Variants in BMP2K observed in about 807,000 individuals in gnomAD.
BMP2K encodes BMP-2-inducible protein kinase.
BMP2K carries 74 observed loss-of-function variants against 116.0 expected under a neutral mutation model. The observed-to-expected ratio is 0.64, with a 90% CI of 0.53 to 0.77. The LOEUF (loss-of-function observed/expected upper bound fraction) is 0.77, where lower values mean the gene tolerates loss of function less well. Ranked by LOEUF, BMP2K falls within the 30% of genes least tolerant of loss-of-function variation. The pLI is 0.00. For missense variants in BMP2K, 1,365 were observed against 1,403.6 expected (o/e 0.97, Z 0.44); for synonymous variants, 486 against 502.5 (o/e 0.97, Z 0.44).
chr4:78,859,581 C>T lies in BMP2K; in HGVS notation c.884-3C>T. ...TTCTTAACATTTTGATCTATTCTTG[C>T]AGGGTTCATGCTTGAACCAGATCCG... On this transcript the variant is annotated splice_region_variant and splice_polypyrimidine_tract_variant and intron_variant, in intron 7 of 15. Coordinates refer to ENST00000502613, the MANE Select transcript of BMP2K (RefSeq NM_198892.2). 1 of 1,593,518 alleles carries T rather than the reference C, an allele frequency of 6.3e-7. No homozygotes were observed. Among genetic ancestry groups the T allele is most frequent in the Non-Finnish European group, 8.6e-7 (1 of 1,167,792 alleles).
chr4:78,784,881 T>G (rs1405492080), intron 1 of BMP2K, among the ~76,000 whole-genome samples: 3 of 152,220 alleles, frequency 2.0e-5, no homozygotes, highest in African/African-American at 7.2e-5. Flanking sequence ...ATTTGTAACA[T>G]CTTTTTCCAT....
intron 2 of BMP2K, among the ~76,000 whole-genome samples, chr4:78,829,777 T>TCTCTTCTC (rs1730076564): frequency 2.1e-5 from 2 of 96,542 alleles, no homozygotes; most frequent in African/African-American, 9.9e-5. Context: ...TTTCTTTTCT[T>TCTCTTCTC]TTCTTTTCTT....
rs1278519437 is a variant in BMP2K at position 78,834,269 on chromosome 4, T to TG, written c.403+582_403+583insG. ...AAAAATTCCTGACATTTAAATTTTT[T>TG]TTTTTTTTTTGAGACGGAGTCTCGC... is the stretch of plus-strand genomic sequence containing the variant. On this transcript the variant is annotated intron_variant, in intron 3 of 15. Transcript: ENST00000502613. Among the ~76,000 whole-genome samples, 340 of 152,018 alleles carry TG rather than the reference T, an allele frequency of 2.2e-3. 2 individuals carry two copies. The highest frequency in any genetic ancestry group is 7.7e-3 in the African/African-American group (317 of 41,430).
At chr4:78,830,024 G>A (rs1730132894) in intron 2 of BMP2K, among the ~76,000 whole-genome samples, 1 of 151,872 alleles carries the variant, frequency 6.6e-6, no homozygotes, top group African/African-American at 2.4e-5. Context: ...ATAGGCAGGT[G>A]CCACCATACC....
chr4:78,885,694 A>G (rs1186188805), intron 14 of BMP2K, among the ~76,000 whole-genome samples: 1 of 152,182 alleles, frequency 6.6e-6, no homozygotes, highest in Non-Finnish European at 1.5e-5. Context: ...GATTTTTTCA[A>G]ATGGCTGTGG....
chr4:78,795,132 C>T (rs1422349303), intron 1 of BMP2K, among the ~76,000 whole-genome samples: 1 of 152,178 alleles, frequency 6.6e-6, no homozygotes, highest in Non-Finnish European at 1.5e-5. Context: ...TTCATTATAA[C>T]CCTTTGTACT....
Position 78,915,292 on chromosome 4 carries a change from G to C in BMP2K, c.*3259G>C, listed in dbSNP as rs912958323. 1 of 152,010 alleles carries C rather than the reference G, an allele frequency of 6.6e-6. No homozygotes were observed. Among genetic ancestry groups the C allele is most frequent in the African/African-American group, 2.4e-5 (1 of 41,428 alleles). 9.4% of individuals were successfully genotyped at this position (152,010 alleles called of 1,614,324 possible). A position where few individuals can be genotyped will look rare whatever the true frequency, so the allele number is the denominator to read the frequency against. ...GTGGAGCCCACTCTTCTATGCTGAA[G>C]TTCACCAGGCAGAGCAGTTTTCTTA... On this transcript the variant is annotated 3_prime_UTR_variant, in exon 16 of 16. Coordinates refer to ENST00000502613, the MANE Select transcript of BMP2K (RefSeq NM_198892.2).
Position 78,911,152 on chromosome 4 carries a change from C to G in BMP2K, c.2605C>G (p.Gln869Glu). Reference protein sequence around the residue: ...GAVPFFAVRAQQPQQEKNEKN... With the variant: ...GAVPFFAVRAEQPQQEKNEKN... ...TGTCCCCTTCTTTGCAGTGCGTGCT[C>G]AACAGCCCCAGCAAGAAAAGAATGA... The change falls in exon 16 of 16, where the codon CAA (glutamine) becomes GAA (glutamate). Residue 869 changes from glutamine to glutamate, a missense_variant. Physicochemically the swap from Gln to Glu is conservative, Grantham distance 29. Transcript: ENST00000502613. The G allele has an allele frequency of 6.2e-7, 1 of 1,613,908 alleles. No homozygotes were observed. Among genetic ancestry groups the G allele is most frequent in the Non-Finnish European group, 8.5e-7 (1 of 1,179,862 alleles).
chr4:78,787,818 C>G (rs1727800214), intron 1 of BMP2K, among the ~76,000 whole-genome samples: 1 of 152,118 alleles, frequency 6.6e-6, no homozygotes. Context: ...CAGAGGGTAG[C>G]AAACCACCCT....
At chr4:78,894,715 C>T (rs554106422) in intron 15 of BMP2K, among the ~76,000 whole-genome samples, 1 of 152,166 alleles carries the variant, frequency 6.6e-6, no homozygotes, top group African/African-American at 2.4e-5. Context: ...ATAATTTTTC[C>T]TTTGTGTTCA....
chr4:78,910,972 G>A lies in BMP2K; in HGVS notation c.2425G>A (p.Ala809Thr), dbSNP rs1404298685. The A allele has an allele frequency of 6.2e-7, 1 of 1,613,460 alleles. No homozygotes were observed. Among genetic ancestry groups the A allele is most frequent in the Non-Finnish European group, 8.5e-7 (1 of 1,179,782 alleles). The change falls in exon 16 of 16, where the codon GCT becomes ACT. Residue 809 changes from alanine (A) to threonine (T), a missense_variant. By Grantham distance (58) the Ala-to-Thr change is moderately conservative. Around this residue, in one of 3 missense-constraint regions of BMP2K, gnomAD observed 596 missense variants for 623.2 expected, o/e 0.96. Coordinates refer to ENST00000502613, the MANE Select transcript of BMP2K (RefSeq NM_198892.2). ...TAGCTCTGATTCTGATTATGAGCAGGCTAAAGCAAAGTACAGTGACATGAG... is the reference window on the plus strand; with the variant it reads ...TAGCTCTGATTCTGATTATGAGCAGACTAAAGCAAAGTACAGTGACATGAG... ...KHSSDSDYEQ[A>T]KAKYSDMSSV...
chr4:78,846,296 G>A (rs1247403261), intron 5 of BMP2K, among the ~76,000 whole-genome samples: 1 of 151,498 alleles, frequency 6.6e-6, no homozygotes, highest in African/African-American at 2.4e-5. Context: ...GGGGTATAGT[G>A]AATAAAAATC....
At chr4:78,841,181 C>G (rs955451586) in intron 3 of BMP2K, among the ~76,000 whole-genome samples, 1 of 152,106 alleles carries the variant, frequency 6.6e-6, no homozygotes, top group African/African-American at 2.4e-5. Flanking sequence ...ATTGCTTAGA[C>G]AGTAATAATA....
intron 7 of BMP2K, among the ~76,000 whole-genome samples, chr4:78,858,235 A>G (rs1731597836): frequency 6.6e-6 from 1 of 152,022 alleles, no homozygotes; most frequent in Admixed American, 6.6e-5. Context: ...GTTTAAATTT[A>G]TCCCCATTTT....
intron 1 of BMP2K, among the ~76,000 whole-genome samples, chr4:78,812,050 T>A (rs1043686826): frequency 6.6e-6 from 1 of 152,294 alleles, no homozygotes; most frequent in East Asian, 1.9e-4. Flanking sequence ...CTCGGCTTAC[T>A]GCAACCTCCA....
intron 1 of BMP2K, among the ~76,000 whole-genome samples, chr4:78,819,894 A>G (rs1465405304): frequency 6.6e-6 from 1 of 152,134 alleles, no homozygotes; most frequent in African/African-American, 2.4e-5. Flanking sequence ...AAATCCTTTC[A>G]TTTCTTGTTG....
In BMP2K at chr4:78,842,502, C is replaced by T; in HGVS notation, c.521C>T (p.Thr174Ile). The change falls in exon 4 of 16, where the codon ACT becomes ATT. Residue 174 changes from threonine to isoleucine, a missense_variant. Coordinates refer to ENST00000502613, the MANE Select transcript of BMP2K (RefSeq NM_198892.2). ...EAVARLHQCKTPIIHRDLKVE... is the reference protein window; with the variant it reads ...EAVARLHQCKIPIIHRDLKVE... Reference sequence around the variant, plus strand: ...GTTGCAAGGTTGCATCAGTGTAAGACTCCAATAATTCACCGGGATCTGAAG... The same window carrying T: ...GTTGCAAGGTTGCATCAGTGTAAGATTCCAATAATTCACCGGGATCTGAAG... The T allele has an allele frequency of 6.3e-7, 1 of 1,588,758 alleles. No homozygotes were observed. Among genetic ancestry groups the T allele is most frequent in the East Asian group, 2.2e-5 (1 of 44,534 alleles).
At chr4:78,864,511 A>C (rs1414417360) in intron 9 of BMP2K, among the ~76,000 whole-genome samples, 1 of 151,678 alleles carries the variant, frequency 6.6e-6, no homozygotes, top group Non-Finnish European at 1.5e-5. Flanking sequence ...TGTTACTTTC[A>C]GAAAACGGCA....
chr4:78,855,783 G>A (rs556114965), intron 7 of BMP2K, among the ~76,000 whole-genome samples: 1 of 152,232 alleles, frequency 6.6e-6, no homozygotes, highest in African/African-American at 2.4e-5. Flanking sequence ...TAGTATTTGT[G>A]TCAATAGAAA....
Sources: allele counts gnomAD v4.1 joint callset (sites outside exome capture counted in the v4.1 genomes callset), GRCh38; gene constraint gnomAD v4.1.1; regional missense constraint gnomAD v4.1.1; transcripts MANE v1.5; gene names NCBI Gene and HGNC (gene_info 2026-07-23, HGNC 2026-07-21).